OSTF1: variants seen among roughly 807,000 people sequenced by gnomAD.
OSTF1 encodes osteoclast stimulating factor 1.
A neutral mutation model predicts 37.2 loss-of-function variants in OSTF1; 27 were observed. The observed-to-expected ratio is 0.73, with a 90% CI of 0.54 to 1.00. OSTF1 has a LOEUF of 1.00. OSTF1 is among the 50% of genes least tolerant of loss of function. The pLI is 0.00. For synonymous variants in OSTF1, 82 were observed against 89.2 expected (o/e 0.92, Z 0.46); for missense variants, 232 against 253.8 (o/e 0.91, Z 0.58).
chr9:75,129,335 T>C (rs1199723927), intron 3 of OSTF1, among the ~76,000 whole-genome samples: 1 of 152,224 alleles, frequency 6.6e-6, no homozygotes, highest in Non-Finnish European at 1.5e-5. Context: ...CTTTATGAAT[T>C]TCTTACCTGG....
intron 4 of OSTF1, among the ~76,000 whole-genome samples, chr9:75,131,560 C>G (rs900909724): frequency 1.3e-5 from 2 of 152,116 alleles, no homozygotes; most frequent in Admixed American, 1.3e-4. Context: ...TATTGCTTGG[C>G]TTGGTTTCCC....
At chr9:75,134,467 C>A in intron 7 of OSTF1, 72 bp downstream of exon 7, 1 of 740,362 alleles carries the variant, frequency 1.4e-6, no homozygotes. Context: ...AACTCATGGG[C>A]ATGTGAAGTA....
chr9:75,115,900 T>G (rs1468566931), intron 1 of OSTF1, among the ~76,000 whole-genome samples: 33 of 152,034 alleles, frequency 2.2e-4, no homozygotes, highest in Admixed American at 2.2e-3. Flanking sequence ...AGTCAGGAGT[T>G]GGAGACCAGC....
At position 75,146,557 on chromosome 9, in the gene OSTF1, G is replaced by A. The variant is rs141131528; in HGVS notation, c.587-126G>A. ...AGCAAAAGCAGAGAAAGATCCTCAG[G>A]GAAAGTACAATCCCTGGGTCAGATG... On this transcript the variant is annotated intron_variant, in intron 9 of 9. Transcript: ENST00000346234. 476 of 691,704 alleles carry A rather than the reference G, an allele frequency of 6.9e-4. 2 individuals are homozygous for A. The African/African-American group carries it at 8.0e-3, about 12-fold the overall frequency. The allele number at this position is 691,704 out of a possible 1,614,324, so 42.8% of individuals were successfully genotyped here.
rs1433476660 is a variant in OSTF1 at position 75,093,060 on chromosome 9, C to CTTT, written c.34+4335_34+4337dup. On this transcript the variant is annotated intron_variant, in intron 1 of 9. Transcript: ENST00000346234. ...TTTCTTTCTCTCTCTCTCTTTCTTT[C>CTTT]TTTCTTTTTTTTTTTTTGGAGATGG... Among the ~76,000 whole-genome samples the CTTT allele has an allele frequency of 5.2e-5, 7 of 134,964 alleles. 1 individual carries two copies. The highest frequency in any genetic ancestry group is 1.2e-4 in the African/African-American group (4 of 32,274). The allele number at this position is 134,964 out of a possible 152,430, so 88.5% of individuals were successfully genotyped here.
chr9:75,116,788 G>T (rs1004061320), intron 1 of OSTF1, among the ~76,000 whole-genome samples: 4 of 152,062 alleles, frequency 2.6e-5, no homozygotes, highest in African/African-American at 9.7e-5. Flanking sequence ...CTCTGTATAG[G>T]ACAGAACCTA....
At chr9:75,128,959 T>C (rs1825720379) in intron 3 of OSTF1, among the ~76,000 whole-genome samples, 1 of 152,080 alleles carries the variant, frequency 6.6e-6, no homozygotes, top group Non-Finnish European at 1.5e-5. Context: ...ATATGTTATT[T>C]TCCATTGAAA....
At chr9:75,096,139 G>A (rs1239952716) in intron 1 of OSTF1, among the ~76,000 whole-genome samples, 2 of 152,194 alleles carry the variant, frequency 1.3e-5, no homozygotes, top group South Asian at 2.1e-4. Context: ...TGATCCACCC[G>A]CCTCGGCCTC....
intron 1 of OSTF1, among the ~76,000 whole-genome samples, chr9:75,089,249 G>T (rs958943777): frequency 7.9e-5 from 12 of 151,084 alleles, no homozygotes. Flanking sequence ...CGGGATCTTG[G>T]GAAGAGCGTT....
At chr9:75,140,700 T>G (rs1159454728) in intron 8 of OSTF1, 134 bp from the exon 9 acceptor site, 1 of 591,096 alleles carries the variant, frequency 1.7e-6, no homozygotes, top group African/African-American at 1.9e-5. Context: ...TTTATTGTTT[T>G]GAGAACGTTT....
At position 75,088,652 on chromosome 9, in the gene OSTF1, T is replaced by C. The variant is rs1203347378; in HGVS notation, c.-41T>C. 6 of 1,597,576 alleles carry C rather than the reference T, an allele frequency of 3.8e-6. No homozygotes were observed. The African/African-American group carries it at 8.1e-5, about 21-fold the overall frequency. On this transcript the variant is annotated 5_prime_UTR_variant, in exon 1 of 10. Transcript: ENST00000346234. ...CCAGGTGGCGGGCAAGCGGTGGGCT[T>C]TTCGGCGGGGTCTTTAGGATTTGCA...
chr9:75,130,178 C>T lies in OSTF1; in HGVS notation c.133-400C>T, dbSNP rs571045048. 1.1e-4 allele frequency among the ~76,000 whole-genome samples: 16 copies of T among 151,804 alleles called. No individual in the cohort carries two copies. The South Asian group carries it at 2.1e-3, about 20-fold the overall frequency. On this transcript the variant is annotated intron_variant, in intron 3 of 9. Transcript: ENST00000346234. ...AAATTTTTCTATAATAACAAGTTAC[C>T]CCCAAAATGAAGATAATATAAAGAG...
At chr9:75,103,268 G>C (rs982964356) in intron 1 of OSTF1, among the ~76,000 whole-genome samples, 1 of 152,144 alleles carries the variant, frequency 6.6e-6, no homozygotes, top group African/African-American at 2.4e-5. Context: ...GGGCAACAGA[G>C]CAAGACCCTG....
chr9:75,144,478 G>A (rs1164918120), intron 9 of OSTF1, among the ~76,000 whole-genome samples: 1 of 152,168 alleles, frequency 6.6e-6, no homozygotes, highest in African/African-American at 2.4e-5. Context: ...CTTGAGTCCA[G>A]AAAGTCAAGG....
chr9:75,089,957 G>C (rs1277244371), intron 1 of OSTF1, among the ~76,000 whole-genome samples: 1 of 152,126 alleles, frequency 6.6e-6, no homozygotes, highest in East Asian at 1.9e-4. Flanking sequence ...CATCTTGGTG[G>C]GCTGAGTGTG....
chr9:75,090,110 G>C (rs533604375), intron 1 of OSTF1, among the ~76,000 whole-genome samples: 1 of 152,274 alleles, frequency 6.6e-6, no homozygotes, highest in South Asian at 2.1e-4. Context: ...AAACTCAGGT[G>C]CAAATCAGGA....
intron 1 of OSTF1, among the ~76,000 whole-genome samples, chr9:75,090,195 C>T (rs1427292083): frequency 6.6e-6 from 1 of 151,930 alleles, no homozygotes; most frequent in Non-Finnish European, 1.5e-5. Flanking sequence ...TTTTTCTGAT[C>T]ACCTGCTGCC....
intron 2 of OSTF1, among the ~76,000 whole-genome samples, chr9:75,123,786 T>G (rs141826208): frequency 6.2e-4 from 94 of 152,312 alleles, no homozygotes; most frequent in African/African-American, 2.1e-3. Context: ...TAAAAGAGAA[T>G]AAACTGTCGA....
At chr9:75,095,591 A>G (rs528153417) in intron 1 of OSTF1, among the ~76,000 whole-genome samples, 10 of 152,220 alleles carry the variant, frequency 6.6e-5, no homozygotes, top group Non-Finnish European at 1.5e-4. Flanking sequence ...GTCTAACTAA[A>G]TAAGGGCTAA....
Sources: gnomAD v4.1 joint callset for allele counts (sites outside exome capture counted in the v4.1 genomes callset) on GRCh38, gnomAD v4.1.1 for gene constraint, MANE v1.5 for transcripts, NCBI Gene and HGNC (gene_info 2026-07-23, HGNC 2026-07-21) for gene names.